The following ARIH1 variants were observed in gnomAD, a reference collection of about 807,000 sequenced individuals.
ARIH1 encodes E3 ubiquitin-protein ligase ARIH1.
A neutral mutation model predicts 85.0 loss-of-function variants in ARIH1; 8 were observed. That is an observed-to-expected ratio of 0.09 (90% CI 0.06 to 0.17). The LOEUF (loss-of-function observed/expected upper bound fraction) is 0.17, where lower values mean the gene tolerates loss of function less well. Ranked by LOEUF, ARIH1 falls within the 10% of genes least tolerant of loss-of-function variation. The pLI is 1.00. For synonymous variants in ARIH1, 238 were observed against 253.6 expected (o/e 0.94, Z 0.59); for missense variants, 311 against 718.1 (o/e 0.43, Z 6.48).
intron 1 of ARIH1, 114 bp from the exon 2 acceptor site, chr15:72,517,953 A>C: frequency 1.5e-6 from 1 of 677,258 alleles, no homozygotes; most frequent in Non-Finnish European, 2.5e-6. Flanking sequence ...AAATAACTCT[A>C]GGGATGGAAA....
chr15:72,592,783 T>C lies in ARIH1; in HGVS notation c.*9491T>C, dbSNP rs2064348202. The C allele has an allele frequency of 6.6e-6, 1 of 152,242 alleles. No individual in the cohort carries two copies. The highest frequency in any genetic ancestry group is 1.5e-5 in the Non-Finnish European group (1 of 68,040). The allele number at this position is 152,242 out of a possible 1,614,324, so 9.4% of individuals were successfully genotyped here. A position where few individuals can be genotyped will look rare whatever the true frequency, so the allele number is the denominator to read the frequency against. On this transcript the variant is annotated 3_prime_UTR_variant, in exon 14 of 14. Coordinates refer to ENST00000379887, the MANE Select transcript of ARIH1 (RefSeq NM_005744.5). ...TGAGTAGTATTTCATTCTATAAATA[T>C]ACCACAATTTGTTTATTCATTCTCC...
chr15:72,581,998 T>C lies in ARIH1; in HGVS notation c.1477-77T>C, dbSNP rs930767690. ...CAGAATGAGTGTTGAGAGCAGTCTG[T>C]AGTCAACAAAACAGTGAAAATGGTT... On this transcript the variant is annotated intron_variant, in intron 12 of 13. Coordinates refer to ENST00000379887, the MANE Select transcript of ARIH1 (RefSeq NM_005744.5). 8 of 942,084 alleles carry C rather than the reference T, an allele frequency of 8.5e-6. No individual in the cohort carries two copies. The African/African-American group carries it at 1.1e-4, about 13-fold the overall frequency. The allele number at this position is 942,084 out of a possible 1,614,324, so 58.4% of individuals were successfully genotyped here.
rs2064320211 is a variant in ARIH1, at chr15:72,587,079, T to C, written c.*3787T>C. The C allele has an allele frequency of 2.4e-6, 1 of 410,258 alleles. No homozygotes were observed. The highest frequency in any genetic ancestry group is 7.2e-5 in the East Asian group (1 of 13,956). The allele number at this position is 410,258 out of a possible 1,614,324, so 25.4% of individuals were successfully genotyped here. A position where few individuals can be genotyped will look rare whatever the true frequency, so the allele number is the denominator to read the frequency against. On this transcript the variant is annotated 3_prime_UTR_variant, in exon 14 of 14. Transcript: ENST00000379887. Reference sequence around the variant, plus strand: ...ATTTGGATCTGTAATTATGGGAGTTTATCACTTTTCCTCTTCAAAGCACTT... The same window carrying C: ...ATTTGGATCTGTAATTATGGGAGTTCATCACTTTTCCTCTTCAAAGCACTT...
chr15:72,478,238 C>A (rs1307951203), intron 1 of ARIH1, among the ~76,000 whole-genome samples: 1 of 152,152 alleles, frequency 6.6e-6, no homozygotes, highest in Non-Finnish European at 1.5e-5. Flanking sequence ...GCCTGAGCCT[C>A]CCGAGTAGCT....
intron 2 of ARIH1, 116 bp downstream of exon 2, chr15:72,518,250 G>C (rs900873107): frequency 1.3e-6 from 1 of 759,000 alleles, no homozygotes; most frequent in Non-Finnish European, 2.1e-6. Context: ...GGACAACCCA[G>C]TGTGCAACTA....
intron 2 of ARIH1, 99 bp downstream of exon 2, chr15:72,518,233 A>G: frequency 1.0e-6 from 1 of 969,498 alleles, no homozygotes; most frequent in Non-Finnish European, 1.6e-6. Flanking sequence ...TGAATATACC[A>G]GTATGTGGAC....
At chr15:72,503,904 C>T (rs970860308) in intron 1 of ARIH1, among the ~76,000 whole-genome samples, 3 of 152,144 alleles carry the variant, frequency 2.0e-5, no homozygotes, top group African/African-American at 7.2e-5. Context: ...TGCCTGCAAC[C>T]CCTGAAGCCC....
chr15:72,512,821 G>A (rs1203659019), intron 1 of ARIH1, among the ~76,000 whole-genome samples: 1 of 152,038 alleles, frequency 6.6e-6, no homozygotes, highest in East Asian at 1.9e-4. Flanking sequence ...TACATATTCA[G>A]TGGATTACTG....
chr15:72,544,385 A>C (rs901914164), intron 2 of ARIH1, among the ~76,000 whole-genome samples: 1 of 152,196 alleles, frequency 6.6e-6, no homozygotes, highest in Non-Finnish European at 1.5e-5. Context: ...CTACCCATGT[A>C]AAATATTACT....
Position 72,583,569 on chromosome 15 carries a change from A to C in ARIH1, c.*277A>C, listed in dbSNP as rs1006892580. 2.7e-5 allele frequency: 9 copies of C among 333,096 alleles called. No individual in the cohort carries two copies. Among genetic ancestry groups the C allele is most frequent in the South Asian group, 9.9e-5 (1 of 10,070 alleles). 20.6% of individuals were successfully genotyped at this position (333,096 alleles called of 1,614,324 possible). ...AACTTGTAACGTAGCTTCATTCTCA[A>C]AGCTGACTCCTTTTTTTTCTTTTTC... On this transcript the variant is annotated 3_prime_UTR_variant, in exon 14 of 14. Transcript: ENST00000379887.
chr15:72,583,452 T>C lies in ARIH1; in HGVS notation c.*160T>C. 1.9e-6 allele frequency: 1 copy of C among 524,634 alleles called. No individual in the cohort carries two copies. Among genetic ancestry groups the C allele is most frequent in the South Asian group, 3.6e-5 (1 of 27,662 alleles). 32.5% of individuals were successfully genotyped at this position (524,634 alleles called of 1,614,324 possible). A position where few individuals can be genotyped will look rare whatever the true frequency, so the allele number is the denominator to read the frequency against. ...GTTAATGGAAAGTTTAAGTAAATTA[T>C]ATTGTAATAAAAAGGTAGATAAACC... is the stretch of plus-strand genomic sequence containing the variant. On this transcript the variant is annotated 3_prime_UTR_variant, in exon 14 of 14. Coordinates refer to ENST00000379887, the MANE Select transcript of ARIH1 (RefSeq NM_005744.5).
At position 72,601,736 on chromosome 15, in the gene ARIH1, G is replaced by A. The variant is rs773060523; in HGVS notation, c.*18444G>A. On this transcript the variant is annotated 3_prime_UTR_variant, in exon 14 of 14. Coordinates refer to ENST00000379887, the MANE Select transcript of ARIH1 (RefSeq NM_005744.5). The stretch of plus-strand genomic sequence containing the variant: ...TGTTGTGCTTTTCACTTTCTTAGTC[G>A]CTATTATTGGAGTAGGTAATACATC... 6 of 151,966 alleles carry A rather than the reference G, an allele frequency of 3.9e-5. No individual in the cohort carries two copies. The highest frequency in any genetic ancestry group is 5.9e-5 in the Non-Finnish European group (4 of 67,994). 9.4% of individuals were successfully genotyped at this position (151,966 alleles called of 1,614,324 possible).
intron 3 of ARIH1, among the ~76,000 whole-genome samples, chr15:72,547,343 C>T (rs1422959353): frequency 6.6e-6 from 1 of 151,954 alleles, no homozygotes; most frequent in Non-Finnish European, 1.5e-5. Context: ...AGTGATTCTC[C>T]TGCCTCAGCC....
chr15:72,576,715 T>C (rs1595874569), intron 11 of ARIH1, among the ~76,000 whole-genome samples: 1 of 152,016 alleles, frequency 6.6e-6, no homozygotes, highest in Non-Finnish European at 1.5e-5. Flanking sequence ...ACTAGATACA[T>C]TGTTGCTTTG....
At position 72,474,876 on chromosome 15, in the gene ARIH1, CGGCGGCGGCGGCGGCGGCGGTGGT is replaced by C. The variant is rs1450983667; in HGVS notation, c.240_263del (p.Gly83_Gly90del). 6 of 1,273,826 alleles carry C rather than the reference CGGCGGCGGCGGCGGCGGCGGTGGT, an allele frequency of 4.7e-6. No individual in the cohort carries two copies. The highest frequency in any genetic ancestry group is 2.0e-5 in the South Asian group (1 of 50,462). The allele number at this position is 1,273,826 out of a possible 1,614,324, so 78.9% of individuals were successfully genotyped here. The stretch of plus-strand genomic sequence containing the variant: ...GCAGCGCTCTGGGGCCCGGCGGTGG[CGGCGGCGGCGGCGGCGGCGGTGGT>C]GGTGGCGGGCCGGGGCATGAGCAGG... On this transcript the variant is annotated inframe_deletion, in exon 1 of 14. Coordinates refer to ENST00000379887, the MANE Select transcript of ARIH1 (RefSeq NM_005744.5).
chr15:72,550,644 A>G (rs928736313), intron 3 of ARIH1, among the ~76,000 whole-genome samples: 14 of 152,028 alleles, frequency 9.2e-5, no homozygotes, highest in African/African-American at 3.4e-4. Context: ...CTTTCAGTAA[A>G]CCTAATTGCA....
At chr15:72,517,232 G>C (rs758548580) in intron 1 of ARIH1, among the ~76,000 whole-genome samples, 10 of 152,088 alleles carry the variant, frequency 6.6e-5, no homozygotes, top group Non-Finnish European at 1.5e-4. Flanking sequence ...ACTTAAAAGT[G>C]ATTTGAACTC....
At chr15:72,566,393 A>G (rs1019056643) in intron 7 of ARIH1, 170 bp from the exon 8 acceptor site, 17 of 620,304 alleles carry the variant, frequency 2.7e-5, no homozygotes, top group Non-Finnish European at 4.9e-5. Context: ...TTCTACTACT[A>G]AATTCTAGGT....
At chr15:72,552,693 C>T (rs1346602672) in intron 3 of ARIH1, among the ~76,000 whole-genome samples, 1 of 151,628 alleles carries the variant, frequency 6.6e-6, no homozygotes, top group Non-Finnish European at 1.5e-5. Context: ...TAGAACACCT[C>T]TGGAAGAATA....
Sources: allele counts gnomAD v4.1 joint callset (sites outside exome capture counted in the v4.1 genomes callset), GRCh38; gene constraint gnomAD v4.1.1; transcripts MANE v1.5; gene names NCBI Gene and HGNC (gene_info 2026-07-23, HGNC 2026-07-21).